The following PDCD6 variants were observed in gnomAD, a reference collection of about 807,000 sequenced individuals.
PDCD6 encodes the protein programmed cell death 6.
Under a neutral mutation model 28.3 loss-of-function variants are expected in PDCD6, and 12 were observed. The ratio of observed to expected loss-of-function variants is 0.42; its 90% CI spans 0.27 to 0.69. The LOEUF (loss-of-function observed/expected upper bound fraction) is 0.69, where lower values mean the gene tolerates loss of function less well. PDCD6 is among the 30% of genes least tolerant of loss of function. The probability of loss-of-function intolerance (pLI) is 0.22; values close to 1 mark genes in which losing one functional copy is unlikely to be tolerated. For missense variants in PDCD6, 226 were observed against 269.9 expected, an observed-to-expected ratio of 0.84 and a Z score of 1.14; for synonymous variants, 92 against 108.0, an observed-to-expected ratio of 0.85 and a Z score of 0.92.
intron 3 of PDCD6, 197 bp from the exon 4 acceptor site, chr5:306,405 C>T: frequency 5.2e-6 from 3 of 579,522 alleles, no homozygotes; most frequent in Non-Finnish European, 9.4e-6. Context: ...CAATCCCCCA[C>T]ACCCCCACCC....
chr5:294,986 G>A (rs1739516843), intron 2 of PDCD6, among the ~76,000 whole-genome samples: 1 of 152,094 alleles, frequency 6.6e-6, no homozygotes, highest in Non-Finnish European at 1.5e-5. Flanking sequence ...ACCGTGTTGG[G>A]GAGCAGGGCA....
At chr5:288,604 A>G (rs1336919453) in intron 2 of PDCD6, among the ~76,000 whole-genome samples, 1 of 151,110 alleles carries the variant, frequency 6.6e-6, no homozygotes, top group African/African-American at 2.4e-5. Flanking sequence ...TGCCCAGACC[A>G]AAAGAAAGAA....
At position 311,322 on chromosome 5, in the gene PDCD6, A is replaced by G; in HGVS notation, c.397A>G (p.Ile133Val). Residue 133 changes from isoleucine (I) to valine (V), a missense_variant, in exon 5 of 6, where the codon ATC becomes GTC. Around this residue, in one of 3 missense-constraint regions of PDCD6, gnomAD observed 151 missense variants for 177.2 expected, o/e 0.85. Transcript: ENST00000264933. ...CCGGCTCTCTGACCAGTTCCACGACATCCTCATTCGAAAGTTTGACAGGCA... is the reference window on the plus strand; with the variant it reads ...CCGGCTCTCTGACCAGTTCCACGACGTCCTCATTCGAAAGTTTGACAGGCA... Reference protein sequence around the residue: ...GYRLSDQFHDILIRKFDRQGR... With the variant: ...GYRLSDQFHDVLIRKFDRQGR... The G allele has an allele frequency of 3.7e-6, 6 of 1,614,018 alleles. No individual in the cohort carries two copies. Among genetic ancestry groups the G allele is most frequent in the Non-Finnish European group, 5.1e-6 (6 of 1,179,954 alleles).
chr5:274,798 C>T (rs992224965), intron 2 of PDCD6, among the ~76,000 whole-genome samples: 3 of 151,998 alleles, frequency 2.0e-5, no homozygotes, highest in African/African-American at 7.3e-5. Context: ...GTTAGTCCTG[C>T]CCCAGTTCAG....
chr5:287,559 A>G (rs1172225660), intron 2 of PDCD6, among the ~76,000 whole-genome samples: 1 of 152,238 alleles, frequency 6.6e-6, no homozygotes, highest in Non-Finnish European at 1.5e-5. Context: ...AAATTAAGCT[A>G]TGATTATCCT....
chr5:296,530 C>T (rs907510790), intron 2 of PDCD6, among the ~76,000 whole-genome samples: 6 of 152,214 alleles, frequency 3.9e-5, no homozygotes, highest in Non-Finnish European at 7.3e-5. Flanking sequence ...CAGTGCAAGG[C>T]GAGTGAGGGA....
rs996376110 is a variant in PDCD6 at position 307,794 on chromosome 5, C to G, written c.367+1034C>G. Among the ~76,000 whole-genome samples, 3 of 152,148 alleles carry G rather than the reference C, an allele frequency of 2.0e-5. No individual in the cohort carries two copies. Among genetic ancestry groups the G allele is most frequent in the Non-Finnish European group, 4.4e-5 (3 of 68,030 alleles). On this transcript the variant is annotated intron_variant, in intron 4 of 5. Transcript: ENST00000264933. This position sits in a 1 kb window ranked among gnomAD's most constrained non-coding sequence, Gnocchi z 6.1. The stretch of plus-strand genomic sequence containing the variant: ...TCACTTATCTAAGCACGTCGCCTCT[C>G]CTCGTGTTTCCTCCCAGCATGCACT...
At chr5:294,419 G>C (rs1739479748) in intron 2 of PDCD6, among the ~76,000 whole-genome samples, 1 of 152,290 alleles carries the variant, frequency 6.6e-6, no homozygotes, top group South Asian at 2.1e-4. Flanking sequence ...CATCAAAGAA[G>C]GTATAAGGAG....
At chr5:301,130 G>T (rs1327455375) in intron 2 of PDCD6, among the ~76,000 whole-genome samples, 4 of 152,232 alleles carry the variant, frequency 2.6e-5, no homozygotes, top group Non-Finnish European at 5.9e-5. Flanking sequence ...CTTCACTTGA[G>T]GACTTAGGTC....
At chr5:293,117 AT>A (rs1739411184) in intron 2 of PDCD6, among the ~76,000 whole-genome samples, 1 of 152,194 alleles carries the variant, frequency 6.6e-6, no homozygotes, top group Non-Finnish European at 1.5e-5. Flanking sequence ...CTCACAGGGC[AT>A]CCCGTCAACA....
intron 2 of PDCD6, among the ~76,000 whole-genome samples, chr5:300,035 G>A (rs896513130): frequency 6.6e-6 from 1 of 152,140 alleles, no homozygotes; most frequent in African/African-American, 2.4e-5. Flanking sequence ...TATTGCCCCT[G>A]GTGATGGAGC....
In PDCD6 at chr5:314,574, A is replaced by G. The variant is rs753438782; in HGVS notation, c.*59A>G. The G allele has an allele frequency of 8.2e-7, 1 of 1,212,508 alleles. No homozygotes were observed. Among genetic ancestry groups the G allele is most frequent in the Non-Finnish European group, 1.2e-6 (1 of 816,930 alleles). 75.1% of individuals were successfully genotyped at this position (1,212,508 alleles called of 1,614,324 possible). A position where few individuals can be genotyped will look rare whatever the true frequency, so the allele number is the denominator to read the frequency against. ...AAAGAGCCAAAATGTCACAGTTCCTATCTGTGAGGGAATGGAGCACAGGTG... is the reference window on the plus strand; with the variant it reads ...AAAGAGCCAAAATGTCACAGTTCCTGTCTGTGAGGGAATGGAGCACAGGTG... On this transcript the variant is annotated 3_prime_UTR_variant, in exon 6 of 6. Coordinates refer to ENST00000264933, the MANE Select transcript of PDCD6 (RefSeq NM_013232.4).
intron 2 of PDCD6, among the ~76,000 whole-genome samples, chr5:283,252 G>T (rs778042528): frequency 1.4e-5 from 2 of 146,068 alleles, no homozygotes; most frequent in Non-Finnish European, 3.0e-5. Context: ...TGAGGGTCAT[G>T]CAGCTGAAGA....
At chr5:279,506 C>A (rs1262677682) in intron 2 of PDCD6, among the ~76,000 whole-genome samples, 2 of 152,178 alleles carry the variant, frequency 1.3e-5, no homozygotes, top group Non-Finnish European at 2.9e-5. Context: ...CTAAGCCCAG[C>A]CACGCCACGG....
chr5:272,455 A>G (rs1375085967), intron 1 of PDCD6, among the ~76,000 whole-genome samples: 1 of 140,432 alleles, frequency 7.1e-6, no homozygotes, highest in Admixed American at 7.0e-5. Context: ...ACGGGTGCAA[A>G]TGGGAATTCA....
chr5:287,614 CAGTT>C (rs540775100), intron 2 of PDCD6, among the ~76,000 whole-genome samples: 101 of 152,224 alleles, frequency 6.6e-4, no homozygotes, highest in African/African-American at 8.9e-4. Flanking sequence ...TCTTTTCAAT[CAGTT>C]AGTCAAATAA....
At chr5:313,157 T>G (rs1397257743) in intron 5 of PDCD6, among the ~76,000 whole-genome samples, 1 of 152,202 alleles carries the variant, frequency 6.6e-6, no homozygotes, top group Non-Finnish European at 1.5e-5. Flanking sequence ...AGAGTGACCC[T>G]AAACGCTAGA....
rs1280194594 is a variant in PDCD6, at chr5:305,434, CAT to C, written c.209-1165_209-1164del. 2.0e-5 allele frequency: 3 copies of C among 152,212 alleles called. No individual in the cohort carries two copies. Among genetic ancestry groups the C allele is most frequent in the African/African-American group, 7.2e-5 (3 of 41,426 alleles). 9.4% of individuals were successfully genotyped at this position (152,212 alleles called of 1,614,324 possible). On this transcript the variant is annotated intron_variant, in intron 3 of 5. Coordinates refer to ENST00000264933, the MANE Select transcript of PDCD6 (RefSeq NM_013232.4). The surrounding 1 kb of genome is among the most constrained non-coding windows in gnomAD (Gnocchi z 4.0). ...AGATGACTGTGCCCTGCTGGTCGTG[CAT>C]ATGTTGCTACGTCACACTGATGGAG...
intron 2 of PDCD6, chr5:289,752 A>T (rs1261658735): frequency 1.1e-6 from 1 of 911,934 alleles, no homozygotes; most frequent in Non-Finnish European, 1.9e-6. Flanking sequence ...CAGGCGACCC[A>T]TTTGTTGTCA....
Sources: allele counts gnomAD v4.1 joint callset (sites outside exome capture counted in the v4.1 genomes callset), GRCh38; gene constraint gnomAD v4.1.1; regional missense constraint gnomAD v4.1.1; non-coding constraint Gnocchi (gnomAD v3.1); transcripts MANE v1.5; gene names NCBI Gene and HGNC (gene_info 2026-07-23, HGNC 2026-07-21).